NHSL2: variants seen among roughly 807,000 people sequenced by gnomAD.
NHSL2 encodes the protein NHS like 2, also known as NHS-like protein 2.
NHSL2 carries 27 observed loss-of-function variants against 53.4 expected under a neutral mutation model. The ratio of observed to expected loss-of-function variants is 0.51; its 90% CI spans 0.37 to 0.70. NHSL2 has a LOEUF of 0.70. NHSL2 is among the 30% of genes least tolerant of loss of function. The pLI is 0.00. For synonymous variants in NHSL2, 408 were observed against 404.1 expected (o/e 1.01, Z -0.12); for missense variants, 892 against 980.1 (o/e 0.91, Z 1.20).
At chrX:72,046,325 G>A (rs977358165) in intron 1 of NHSL2, among the ~76,000 whole-genome samples, 2 of 111,962 alleles carry the variant, frequency 1.8e-5, no homozygotes, top group African/African-American at 6.5e-5. Flanking sequence ...GAGCCATAAG[G>A]CAGCTCCATA....
chrX:72,065,304 A>T (rs181510807), intron 1 of NHSL2, among the ~76,000 whole-genome samples: 141 of 112,263 alleles, frequency 1.3e-3, no homozygotes, highest in African/African-American at 4.5e-3. Flanking sequence ...GCACAGCTTC[A>T]AACACCCAAA....
chrX:72,042,120 G>T (rs2042277788), intron 1 of NHSL2, among the ~76,000 whole-genome samples: 1 of 112,437 alleles, frequency 8.9e-6, no homozygotes, highest in African/African-American at 3.2e-5. Flanking sequence ...CCTTGTCTGG[G>T]GACAAGGGCC....
In NHSL2 at chrX:72,139,727, T is replaced by G. The variant is rs746914431; in HGVS notation, c.2179T>G (p.Ser727Ala). 5.8e-6 allele frequency: 7 copies of G among 1,208,348 alleles called. No homozygotes were observed. The African/African-American group carries it at 1.2e-4, about 21-fold the overall frequency. Residue 727 changes from serine (S) to alanine (A), a missense_variant, in exon 6 of 8, where the codon TCC (serine) becomes GCC (alanine). Ser to Ala is a moderately conservative substitution (Grantham distance 99, BLOSUM62 1). Transcript: ENST00000633930. ...SQSETPTPTV[S>A]MSLTLGHLPP... ...GTCGGAAACACCAACACCCACTGTT[T>G]CCATGTCCCTGACCCTGGGCCACTT...
intron 1 of NHSL2, among the ~76,000 whole-genome samples, chrX:71,986,091 A>G (rs778566577): frequency 8.9e-6 from 1 of 111,791 alleles, no homozygotes; most frequent in South Asian, 3.7e-4. Flanking sequence ...TTGAACACAT[A>G]CCAATAACAT....
rs1204121949 is a variant in NHSL2, at chrX:72,139,259, C to A, written c.1711C>A (p.Pro571Thr). The A allele has an allele frequency of 8.4e-7, 1 of 1,193,689 alleles. No individual in the cohort carries two copies. The highest frequency in any genetic ancestry group is 1.1e-6 in the Non-Finnish European group (1 of 886,131). Reference sequence around the variant, plus strand: ...GAAGGCCAAAAAGAAGCCTTCCCCACCCACACGCAGTGTCTCACTGGTCAA... The same window carrying A: ...GAAGGCCAAAAAGAAGCCTTCCCCAACCACACGCAGTGTCTCACTGGTCAA... ...LRKAKKKPSPPTRSVSLVKDE... is the reference protein window; with the variant it reads ...LRKAKKKPSPTTRSVSLVKDE... The change falls in exon 6 of 8, where the codon CCC (proline) becomes ACC (threonine). Residue 571 changes from proline (P) to threonine (T), a missense_variant. Physicochemically the swap from Pro to Thr is conservative, Grantham distance 38. Transcript: ENST00000633930.
chrX:72,021,045 A>T (rs892692242), intron 1 of NHSL2, among the ~76,000 whole-genome samples: 2 of 103,703 alleles, frequency 1.9e-5, no homozygotes, highest in Non-Finnish European at 3.8e-5. Context: ...GTGTACACAC[A>T]CACACGCGTG....
intron 1 of NHSL2, among the ~76,000 whole-genome samples, chrX:72,031,749 A>AG (rs1274827268): frequency 4.5e-5 from 5 of 111,278 alleles, no homozygotes; most frequent in Non-Finnish European, 9.4e-5. Context: ...AAAAAAAAAA[A>AG]AAAAACCAGT....
Position 72,144,323 on chromosome X carries a change from A to G in NHSL2, c.*749A>G, listed in dbSNP as rs1299442232. 3 of 195,729 alleles carry G rather than the reference A, an allele frequency of 1.5e-5. No individual in the cohort carries two copies. Among genetic ancestry groups the G allele is most frequent in the Non-Finnish European group, 2.7e-5 (3 of 109,624 alleles). 16.1% of individuals were successfully genotyped at this position (195,729 alleles called of 1,213,427 possible). A position where few individuals can be genotyped will look rare whatever the true frequency, so the allele number is the denominator to read the frequency against. On this transcript the variant is annotated 3_prime_UTR_variant, in exon 8 of 8. Coordinates refer to ENST00000633930, the MANE Select transcript of NHSL2 (RefSeq NM_001013627.3). ...TGCTTTAAATGAACCAAGCTTGACC[A>G]ACAAACAAGACAGCCATTTGTTCAC...
Position 72,138,966 on chromosome X carries a change from A to G in NHSL2, c.1418A>G (p.Lys473Arg). The change falls in exon 6 of 8, where the codon AAG becomes AGG. Residue 473 changes from lysine to arginine, a missense_variant. By Grantham distance (26) the Lys-to-Arg change is conservative (BLOSUM62 2). Transcript: ENST00000633930. ...QQRHMPERPS[K>R]IGLLTSGTSR... is the part of the protein sequence containing the mutation. ...AGGCACATGCCCGAAAGACCCTCCA[A>G]GATTGGCCTTCTGACCAGTGGGACC... is the stretch of plus-strand genomic sequence containing the variant. 2.5e-6 allele frequency: 3 copies of G among 1,201,792 alleles called. No homozygotes were observed. Among genetic ancestry groups the G allele is most frequent in the Non-Finnish European group, 3.4e-6 (3 of 890,271 alleles).
At chrX:71,992,631 C>T (rs1485098331) in intron 1 of NHSL2, among the ~76,000 whole-genome samples, 1 of 112,424 alleles carries the variant, frequency 8.9e-6, no homozygotes, top group Non-Finnish European at 1.9e-5. Context: ...CCTGGAGAAG[C>T]AATTTTAGGG....
intron 1 of NHSL2, among the ~76,000 whole-genome samples, chrX:72,054,780 G>C (rs2147933045): frequency 9.0e-6 from 1 of 111,301 alleles, no homozygotes; most frequent in Admixed American, 9.5e-5. Context: ...TTCTCCCCAA[G>C]TGGCGAGGAT....
At chrX:72,011,540 C>T (rs764049844) in intron 1 of NHSL2, among the ~76,000 whole-genome samples, 25 of 110,976 alleles carry the variant, frequency 2.3e-4, no homozygotes, top group East Asian at 5.7e-4. Flanking sequence ...CGTGGTGGTG[C>T]GCACCTGTAG....
chrX:71,979,290 T>G (rs1716770749), intron 1 of NHSL2, among the ~76,000 whole-genome samples: 1 of 110,886 alleles, frequency 9.0e-6, no homozygotes, highest in African/African-American at 3.3e-5. Flanking sequence ...ATGGGATGGC[T>G]GGGTCAAATG....
At chrX:71,957,389 C>T in intron 1 of NHSL2, among the ~76,000 whole-genome samples, 1 of 112,511 alleles carries the variant, frequency 8.9e-6, no homozygotes, top group East Asian at 2.8e-4. Flanking sequence ...GCCTCAGCCT[C>T]CTGAGTAGCT....
chrX:72,108,614 G>A (rs2147472980), intron 1 of NHSL2, among the ~76,000 whole-genome samples: 1 of 113,013 alleles, frequency 8.8e-6, no homozygotes, highest in African/African-American at 3.2e-5. Flanking sequence ...ACACAGAGCA[G>A]CCTGAGCAAA....
At chrX:71,977,597 G>A (rs1289789798) in intron 1 of NHSL2, among the ~76,000 whole-genome samples, 1 of 110,470 alleles carries the variant, frequency 9.1e-6, no homozygotes, top group African/African-American at 3.3e-5. Context: ...ATTTTTTGTA[G>A]AGACAGGCTT....
intron 1 of NHSL2, among the ~76,000 whole-genome samples, chrX:72,111,375 G>C (rs934653714): frequency 1.8e-5 from 2 of 112,726 alleles, no homozygotes; most frequent in African/African-American, 6.4e-5. Context: ...CAAAAAGAGT[G>C]TCCCAAATTC....
In NHSL2 at chrX:72,101,678, G is replaced by C. The variant is rs762692491; in HGVS notation, c.281-30401G>C. 8.2e-5 allele frequency among the ~76,000 whole-genome samples: 9 copies of C among 110,236 alleles called. No individual in the cohort carries two copies. In the Admixed American group the frequency reaches 8.6e-4, roughly 11 times the overall value. On this transcript the variant is annotated intron_variant, in intron 1 of 7. Coordinates refer to ENST00000633930, the MANE Select transcript of NHSL2 (RefSeq NM_001013627.3). The stretch of plus-strand genomic sequence containing the variant: ...ATTTCCTCCTGTGGCTGCCTGGGAG[G>C]GAGCTCTTTTTCATCGGCCCCACCT...
intron 1 of NHSL2, among the ~76,000 whole-genome samples, chrX:72,053,695 A>G (rs1005702360): frequency 9.1e-6 from 1 of 110,423 alleles, no homozygotes; most frequent in African/African-American, 3.3e-5. Flanking sequence ...CTGACCTCCT[A>G]CCCAACCTTC....
Sources: gnomAD v4.1 joint callset for allele counts (sites outside exome capture counted in the v4.1 genomes callset) on GRCh38, gnomAD v4.1.1 for gene constraint, MANE v1.5 for transcripts, NCBI Gene and HGNC (gene_info 2026-07-23, HGNC 2026-07-21) for gene names.